The following C10orf143 variants were observed in gnomAD, a reference collection of about 807,000 sequenced individuals.
C10orf143 encodes uncharacterized protein C10orf143.
At chr10:130,063,251 A>G (rs1860876729), downstream of C10orf143, among the ~76,000 whole-genome samples, 1 of 152,196 alleles carries the variant, frequency 6.6e-6, no homozygotes, top group African/African-American at 2.4e-5. Context: ...GAGAAGGAAG[A>G]GTTTACACAC....
intron 1 of C10orf143, among the ~76,000 whole-genome samples, chr10:130,103,444 G>A (rs1336400870): frequency 1.3e-5 from 2 of 151,874 alleles, no homozygotes; most frequent in East Asian, 3.9e-4. Flanking sequence ...GAAACCAGAT[G>A]GCACTGCTGT....
intron 1 of C10orf143, among the ~76,000 whole-genome samples, chr10:130,087,532 C>T (rs534560352): frequency 5.9e-5 from 9 of 152,138 alleles, no homozygotes; most frequent in African/African-American, 1.4e-4. Context: ...TAGAAACACA[C>T]GAAGCTGCCA....
downstream of C10orf143, among the ~76,000 whole-genome samples, chr10:130,062,540 C>T (rs1860868335): frequency 6.6e-6 from 1 of 152,194 alleles, no homozygotes; most frequent in Non-Finnish European, 1.5e-5. Context: ...CCAAGTTCTT[C>T]AGCTTTTGGA....
Position 130,075,930 on chromosome 10 carries a change from A to C in C10orf143, c.297+3636T>G, listed in dbSNP as rs761667241. Among the ~76,000 whole-genome samples, 3 of 151,596 alleles carry C rather than the reference A, an allele frequency of 2.0e-5. No homozygotes were observed. In the South Asian group the frequency reaches 6.3e-4, roughly 32 times the overall value. On this transcript the variant is annotated intron_variant, in intron 3 of 3. Coordinates refer to ENST00000637128, the MANE Select transcript of C10orf143 (RefSeq NM_001355042.2). Reference sequence around the variant, plus strand: ...AGTCAACTAGATCTCTTTTCTTTATAAATTATCCAGTCTCAGGTAGTTTTT... The same window carrying C: ...AGTCAACTAGATCTCTTTTCTTTATCAATTATCCAGTCTCAGGTAGTTTTT...
intron 3 of C10orf143, chr10:130,068,699 A>G (rs943841752): frequency 2.0e-5 from 3 of 148,752 alleles, no homozygotes; most frequent in Non-Finnish European, 4.5e-5. Flanking sequence ...ATCAATAAAG[A>G]GAGAATTTTA....
intron 1 of C10orf143, among the ~76,000 whole-genome samples, chr10:130,092,537 T>C (rs1343904765): frequency 6.6e-6 from 1 of 152,264 alleles, no homozygotes; most frequent in East Asian, 1.9e-4. Flanking sequence ...GCTAGCATCA[T>C]AATGACAGAA....
In C10orf143 at chr10:130,082,519, G is replaced by A. The variant is rs536423089; in HGVS notation, c.70-2618C>T. 3.3e-5 allele frequency among the ~76,000 whole-genome samples: 5 copies of A among 151,354 alleles called. No homozygotes were observed. In the East Asian group the frequency reaches 5.9e-4, roughly 18 times the overall value. On this transcript the variant is annotated intron_variant, in intron 1 of 3. Transcript: ENST00000637128. The stretch of plus-strand genomic sequence containing the variant: ...GGGGCGGTTCCCCTACACGGTCCTC[G>A]TGTTAGTGAATAAGTCTCACGAGAT...
At chr10:130,072,960 A>G (rs1247593934) in intron 3 of C10orf143, among the ~76,000 whole-genome samples, 1 of 152,220 alleles carries the variant, frequency 6.6e-6, no homozygotes, top group African/African-American at 2.4e-5. Flanking sequence ...TGTAAAAACC[A>G]CAGTACCTTC....
At chr10:130,041,571 T>C (rs1860607191) in intron 3 of C10orf143, among the ~76,000 whole-genome samples, 2 of 152,244 alleles carry the variant, frequency 1.3e-5, no homozygotes, top group Non-Finnish European at 2.9e-5. Flanking sequence ...AAATTCGATT[T>C]GCATTTTTAA....
intron 1 of C10orf143, among the ~76,000 whole-genome samples, chr10:130,085,545 T>C (rs1034418568): frequency 6.6e-6 from 1 of 152,084 alleles, no homozygotes; most frequent in Non-Finnish European, 1.5e-5. Flanking sequence ...ACACAATAAC[T>C]AAATGCAATG....
intron 1 of C10orf143, among the ~76,000 whole-genome samples, chr10:130,094,472 C>T (rs562914755): frequency 6.6e-6 from 1 of 152,280 alleles, no homozygotes; most frequent in Middle Eastern, 3.4e-3. Context: ...ATGTGAAAAT[C>T]CTCAATAAAA....
chr10:130,054,760 T>C (rs1860776939), intron 3 of C10orf143, among the ~76,000 whole-genome samples: 1 of 152,222 alleles, frequency 6.6e-6, no homozygotes, highest in African/African-American at 2.4e-5. Flanking sequence ...AGTAGTAACA[T>C]TGCATATCTT....
chr10:130,103,522 C>T (rs531632931), intron 1 of C10orf143, among the ~76,000 whole-genome samples: 4 of 152,098 alleles, frequency 2.6e-5, no homozygotes, highest in South Asian at 4.1e-4. Flanking sequence ...CACTTGTACA[C>T]GAGGCCAGGT....
At chr10:130,108,380 G>A (rs768179475) in intron 1 of C10orf143, 1 of 1,121,984 alleles carries the variant, frequency 8.9e-7, no homozygotes, top group Admixed American at 1.7e-5. Context: ...AGGTAGAAGT[G>A]AGTTCCCTTC....
intron 3 of C10orf143, among the ~76,000 whole-genome samples, chr10:130,052,153 G>A (rs1174336045): frequency 6.8e-6 from 1 of 147,112 alleles, no homozygotes; most frequent in East Asian, 2.0e-4. Flanking sequence ...CCCCACCTCA[G>A]GAGGCCACCA....
chr10:130,040,540 G>A (rs1860594375), intron 3 of C10orf143, among the ~76,000 whole-genome samples: 1 of 152,354 alleles, frequency 6.6e-6, no homozygotes, highest in East Asian at 1.9e-4. Flanking sequence ...AGACAGTGAA[G>A]CGCCTTATTC....
At chr10:130,064,693 A>C (rs1261781951) in intron 3 of C10orf143, among the ~76,000 whole-genome samples, 2 of 152,242 alleles carry the variant, frequency 1.3e-5, no homozygotes, top group African/African-American at 4.8e-5. Flanking sequence ...TCATAAAATA[A>C]ATTTTTAAAA....
chr10:130,107,702 G>T (rs1057131386), intron 1 of C10orf143: 3 of 1,260,054 alleles, frequency 2.4e-6, no homozygotes, highest in South Asian at 1.2e-5. Context: ...TCCAGGGGGG[G>T]AAGGAAGAGG....
intron 3 of C10orf143, among the ~76,000 whole-genome samples, chr10:130,057,384 T>A (rs1251876236): frequency 2.0e-5 from 3 of 152,200 alleles, no homozygotes; most frequent in Non-Finnish European, 4.4e-5. Flanking sequence ...TGCTGTCCCC[T>A]CTGGGCCCTT....
Sources: allele counts gnomAD v4.1 joint callset (sites outside exome capture counted in the v4.1 genomes callset), GRCh38; gene constraint gnomAD v4.1.1; transcripts MANE v1.5; gene names NCBI Gene and HGNC (gene_info 2026-07-23, HGNC 2026-07-21).